Variants in AGBL4 observed in about 807,000 individuals in gnomAD.
AGBL4 encodes AGBL carboxypeptidase 4, also known as cytosolic carboxypeptidase 6.
A neutral mutation model predicts 66.4 loss-of-function variants in AGBL4; 58 were observed. The observed-to-expected ratio is 0.87, with a 90% CI of 0.71 to 1.09. AGBL4 has a LOEUF of 1.09. Ranked by LOEUF, AGBL4 falls within the 50% of genes least tolerant of loss-of-function variation. The pLI is 0.00. For missense variants in AGBL4, 579 were observed against 631.0 expected, an observed-to-expected ratio of 0.92 and a Z score of 0.88; for synonymous variants, 234 against 222.9, an observed-to-expected ratio of 1.05 and a Z score of -0.44.
intron 9 of AGBL4, among the ~76,000 whole-genome samples, chr1:48,619,085 C>G (rs2148393234): frequency 6.6e-6 from 1 of 152,358 alleles, no homozygotes; most frequent in African/African-American, 2.4e-5. Context: ...CCACCCTGCT[C>G]TGCACTAGGG....
At chr1:48,871,406 T>C (rs189053525) in intron 5 of AGBL4, among the ~76,000 whole-genome samples, 1 of 151,700 alleles carries the variant, frequency 6.6e-6, no homozygotes, top group East Asian at 1.9e-4. Flanking sequence ...TATGTGCGTT[T>C]GGGGTCGGGG....
intron 4 of AGBL4, among the ~76,000 whole-genome samples, chr1:49,110,614 C>A (rs1189543504): frequency 1.3e-5 from 2 of 152,132 alleles, no homozygotes; most frequent in African/African-American, 4.8e-5. Context: ...GGATCCCCTG[C>A]CTCTCACTTG....
intron 2 of AGBL4, among the ~76,000 whole-genome samples, chr1:49,710,377 G>A (rs1647557407): frequency 6.6e-6 from 1 of 152,092 alleles, no homozygotes; most frequent in African/African-American, 2.4e-5. Flanking sequence ...CTCATAAGTG[G>A]GAGTTTAAAA....
At chr1:48,913,705 T>C (rs1379629691) in intron 5 of AGBL4, among the ~76,000 whole-genome samples, 1 of 152,200 alleles carries the variant, frequency 6.6e-6, no homozygotes, top group Non-Finnish European at 1.5e-5. Context: ...CTTATTTCAT[T>C]ACATGTTACA....
At chr1:49,467,276 G>T (rs1646650659) in intron 3 of AGBL4, among the ~76,000 whole-genome samples, 1 of 151,796 alleles carries the variant, frequency 6.6e-6, no homozygotes, top group Non-Finnish European at 1.5e-5. Context: ...TTGGGTATCT[G>T]CTTTATGTGT....
At chr1:49,981,057 G>T (rs764783029) in intron 1 of AGBL4, among the ~76,000 whole-genome samples, 2 of 152,128 alleles carry the variant, frequency 1.3e-5, no homozygotes, top group Non-Finnish European at 2.9e-5. Flanking sequence ...TAATATGAAA[G>T]AAGGCCACTT....
chr1:48,911,122 T>C (rs999360963), intron 5 of AGBL4, among the ~76,000 whole-genome samples: 10 of 152,242 alleles, frequency 6.6e-5, no homozygotes, highest in African/African-American at 2.4e-4. Flanking sequence ...AACTTACTTC[T>C]GAAAATTCTA....
chr1:49,808,597 G>A (rs1439387901), intron 2 of AGBL4, among the ~76,000 whole-genome samples: 1 of 152,058 alleles, frequency 6.6e-6, no homozygotes, highest in Non-Finnish European at 1.5e-5. Flanking sequence ...TTCTGAACAT[G>A]AGGACTTATA....
At chr1:48,830,901 T>G (rs539616986) in intron 6 of AGBL4, among the ~76,000 whole-genome samples, 1 of 152,340 alleles carries the variant, frequency 6.6e-6, no homozygotes, top group East Asian at 1.9e-4. Flanking sequence ...ATACCAAGCA[T>G]TGTTCTAGAC....
chr1:49,883,924 C>A (rs1003997183), intron 1 of AGBL4, among the ~76,000 whole-genome samples: 1 of 151,906 alleles, frequency 6.6e-6, no homozygotes. Flanking sequence ...AGTTATTATT[C>A]TCAGAGAAAT....
intron 3 of AGBL4, among the ~76,000 whole-genome samples, chr1:49,285,096 C>T (rs1457377811): frequency 6.6e-6 from 1 of 152,116 alleles, no homozygotes; most frequent in Admixed American, 6.6e-5. Flanking sequence ...CACACCTATT[C>T]CAAAATTGAC....
intron 6 of AGBL4, among the ~76,000 whole-genome samples, chr1:48,764,995 T>C (rs927095213): frequency 1.3e-5 from 2 of 152,326 alleles, no homozygotes; most frequent in East Asian, 1.9e-4. Flanking sequence ...CCACCAGCTA[T>C]ACTCAAGGCT....
At chr1:49,558,481 C>T (rs1367170909) in intron 3 of AGBL4, among the ~76,000 whole-genome samples, 2 of 152,098 alleles carry the variant, frequency 1.3e-5, no homozygotes, top group Non-Finnish European at 1.5e-5. Flanking sequence ...GCTGAGACTA[C>T]AAGCATGCGC....
At chr1:49,873,012 T>A (rs116643027) in intron 1 of AGBL4, among the ~76,000 whole-genome samples, 1 of 151,984 alleles carries the variant, frequency 6.6e-6, no homozygotes, top group Admixed American at 6.6e-5. Context: ...CATTTTAAGA[T>A]ATGCTTTTCT....
intron 6 of AGBL4, among the ~76,000 whole-genome samples, chr1:48,774,936 TAGG>T (rs2148705163): frequency 6.6e-6 from 1 of 152,298 alleles, no homozygotes; most frequent in African/African-American, 2.4e-5. Flanking sequence ...CTTCCAGATC[TAGG>T]AGTACAATAC....
At position 49,371,817 on chromosome 1, in the gene AGBL4, C is replaced by CTGTGTGTG. The variant is rs55882947; in HGVS notation, c.283-125961_283-125954dup. 3.3e-3 allele frequency among the ~76,000 whole-genome samples: 457 copies of CTGTGTGTG among 140,052 alleles called. 3 individuals are homozygous for CTGTGTGTG. The highest frequency in any genetic ancestry group is 5.4e-3 in the South Asian group (22 of 4,048). The allele number at this position is 140,052 out of a possible 152,430, so 91.9% of individuals were successfully genotyped here. On this transcript the variant is annotated intron_variant, in intron 3 of 13. Transcript: ENST00000371839. ...GTCAGAGCCAGTGACTTTTCAAACT[C>CTGTGTGTG]TGTGTGTGTGTGTGTGTGTGTGTGT...
At chr1:49,084,844 G>A (rs985129353) in intron 4 of AGBL4, among the ~76,000 whole-genome samples, 4 of 152,226 alleles carry the variant, frequency 2.6e-5, no homozygotes, top group Non-Finnish European at 5.9e-5. Context: ...ACAGCCACAC[G>A]CCTTGGTCTG....
At chr1:49,482,966 T>C (rs541709718) in intron 3 of AGBL4, among the ~76,000 whole-genome samples, 2 of 152,228 alleles carry the variant, frequency 1.3e-5, no homozygotes, top group Admixed American at 6.5e-5. Flanking sequence ...TCTCATTTGA[T>C]TGTGCTGTGG....
At chr1:49,156,682 G>A (rs1421756713) in intron 4 of AGBL4, among the ~76,000 whole-genome samples, 1 of 152,136 alleles carries the variant, frequency 6.6e-6, no homozygotes, top group Non-Finnish European at 1.5e-5. Context: ...GTGCAACCAA[G>A]ATAGAACCCA....
Sources: gnomAD v4.1 joint callset for allele counts (sites outside exome capture counted in the v4.1 genomes callset) on GRCh38, gnomAD v4.1.1 for gene constraint, MANE v1.5 for transcripts, NCBI Gene and HGNC (gene_info 2026-07-23, HGNC 2026-07-21) for gene names.